ITGAX: variants seen among roughly 807,000 people sequenced by gnomAD.
ITGAX encodes the protein integrin alpha-X.
A neutral mutation model predicts 140.2 loss-of-function variants in ITGAX; 99 were observed. The observed-to-expected ratio is 0.71, with a 90% CI of 0.60 to 0.83. The LOEUF is 0.83. Among genes scored for constraint, ITGAX ranks in the 40% least tolerant of loss-of-function variants. The pLI is 0.00. For missense variants in ITGAX, 1,444 were observed against 1,482.0 expected, an observed-to-expected ratio of 0.97 and a Z score of 0.42; for synonymous variants, 631 against 600.4, an observed-to-expected ratio of 1.05 and a Z score of -0.75.
chr16:31,376,488 T>A (rs1218144720), intron 20 of ITGAX, among the ~76,000 whole-genome samples: 1 of 151,928 alleles, frequency 6.6e-6, no homozygotes, highest in South Asian at 2.1e-4. Context: ...CCAGGCATGG[T>A]GGTGGTGTGT....
At chr16:31,378,484 A>T (rs1230416423) in intron 23 of ITGAX, among the ~76,000 whole-genome samples, 4 of 148,394 alleles carry the variant, frequency 2.7e-5, no homozygotes, top group Admixed American at 1.3e-4. Flanking sequence ...TTTTTTTTTT[A>T]AAGCCCAGGT....
At chr16:31,356,312 T>G in intron 2 of ITGAX, 1 of 422,790 alleles carries the variant, frequency 2.4e-6, no homozygotes, top group Non-Finnish European at 4.3e-6. Context: ...TAAAAATATA[T>G]AGAGACAGGG....
intron 14 of ITGAX, among the ~76,000 whole-genome samples, chr16:31,368,868 A>AATCCATTT (rs2080920903): frequency 2.0e-5 from 3 of 151,828 alleles, no homozygotes; most frequent in African/African-American, 7.3e-5. Context: ...CACCGCCCTT[A>AATCCATTT]ATCCATTTAA....
chr16:31,372,274 GC>G, intron 17 of ITGAX, 103 bp from the exon 18 acceptor site: 1 of 1,395,628 alleles, frequency 7.2e-7, no homozygotes, highest in Non-Finnish European at 9.7e-7. Context: ...GGAAGCTGAA[GC>G]CGCGCGGGAG....
Position 31,382,802 on chromosome 16 carries a change from A to G in ITGAX, c.*895A>G, listed in dbSNP as rs2081081785. On this transcript the variant is annotated 3_prime_UTR_variant, in exon 30 of 30. Transcript: ENST00000268296. ...GTGCGGCTGCAGCTCACCCAGCCCC[A>G]GGGGCAGAAGAGACCCAACCACTTC... 7.1e-6 allele frequency: 3 copies of G among 421,350 alleles called. No homozygotes were observed. Among genetic ancestry groups the G allele is most frequent in the Non-Finnish European group, 1.3e-5 (3 of 233,234 alleles). 26.1% of individuals were successfully genotyped at this position (421,350 alleles called of 1,614,324 possible).
At position 31,357,355 on chromosome 16, in the gene ITGAX, T is replaced by A; in HGVS notation, c.421T>A (p.Ser141Thr). The A allele has an allele frequency of 6.2e-7, 1 of 1,600,520 alleles. No homozygotes were observed. The highest frequency in any genetic ancestry group is 1.1e-5 in the South Asian group (1 of 88,752). Residue 141 changes from serine (S) to threonine (T), a missense_variant, in exon 5 of 30, where the codon TCC becomes ACC. Coordinates refer to ENST00000268296, the MANE Select transcript of ITGAX (RefSeq NM_000887.5). ...CCAGCTCACCCAGAGGCTCCCGGTG[T>A]CCAGGCAGGGTGAGTGTCGGGACCA... Reference protein sequence around the residue: ...PTQLTQRLPVSRQECPRQEQD... With the variant: ...PTQLTQRLPVTRQECPRQEQD...
chr16:31,376,374 G>T (rs2081019149), intron 20 of ITGAX, among the ~76,000 whole-genome samples: 1 of 152,158 alleles, frequency 6.6e-6, no homozygotes, highest in South Asian at 2.1e-4. Context: ...TAATCCTAGT[G>T]TTTTGGGGGG....
At chr16:31,381,163 GC>G (rs2081066108) in intron 29 of ITGAX, among the ~76,000 whole-genome samples, 156 bp downstream of exon 29, 1 of 152,122 alleles carries the variant, frequency 6.6e-6, no homozygotes, top group Non-Finnish European at 1.5e-5. Context: ...GTCCCCAGTG[GC>G]CCCCTGCTTT....
At position 31,372,232 on chromosome 16, in the gene ITGAX, C is replaced by T. The variant is rs1597077938; in HGVS notation, c.2161-146C>T. The T allele has an allele frequency of 4.0e-5, 35 of 884,252 alleles. No homozygotes were observed. The South Asian group carries it at 6.2e-4, about 16-fold the overall frequency. The allele number at this position is 884,252 out of a possible 1,614,324, so 54.8% of individuals were successfully genotyped here. A position where few individuals can be genotyped will look rare whatever the true frequency, so the allele number is the denominator to read the frequency against. On this transcript the variant is annotated intron_variant, in intron 17 of 29. Coordinates refer to ENST00000268296, the MANE Select transcript of ITGAX (RefSeq NM_000887.5). ...AACAGAGAGGGTGTCAGGGAGGCCT[C>T]CTGAAGGCGGTGACGCTGAGCAGGC...
At chr16:31,368,383 A>G (rs2080913462) in intron 14 of ITGAX, among the ~76,000 whole-genome samples, 2 of 151,332 alleles carry the variant, frequency 1.3e-5, no homozygotes, top group Admixed American at 1.3e-4. Context: ...CTGTAATCCC[A>G]GCTACTCAGG....
chr16:31,373,753 T>C (rs186627538), intron 20 of ITGAX, among the ~76,000 whole-genome samples: 1 of 152,324 alleles, frequency 6.6e-6, no homozygotes, highest in African/African-American at 2.4e-5. Context: ...GCGACCTTTT[T>C]CTATAAAGGG....
rs991437406 is a variant in ITGAX, at chr16:31,368,897, C to T, written c.1711-2187C>T. On this transcript the variant is annotated intron_variant, in intron 14 of 29. Coordinates refer to ENST00000268296, the MANE Select transcript of ITGAX (RefSeq NM_000887.5). Reference sequence around the variant, plus strand: ...CATTTAACCCTGAGTGGACACAGCACATGTTTCAGAGAGCACAGGGTTGGG... The same window carrying T: ...CATTTAACCCTGAGTGGACACAGCATATGTTTCAGAGAGCACAGGGTTGGG... 2.5e-3 allele frequency among the ~76,000 whole-genome samples: 385 copies of T among 152,154 alleles called. 1 individual carries two copies. The highest frequency in any genetic ancestry group is 8.6e-3 in the African/African-American group (355 of 41,514).
Position 31,360,244 on chromosome 16 carries a change from C to T in ITGAX, c.708-66C>T. 5 of 1,535,906 alleles carry T rather than the reference C, an allele frequency of 3.3e-6. No individual in the cohort carries two copies. In the South Asian group the frequency reaches 6.3e-5, roughly 19 times the overall value. On this transcript the variant is annotated intron_variant, in intron 7 of 29. Coordinates refer to ENST00000268296, the MANE Select transcript of ITGAX (RefSeq NM_000887.5). ...AAAGGAAAAGGCATCTTCTAATTTT[C>T]ACAAGGGCACCAGGGGCTAGTGTGG...
At chr16:31,364,818 G>A (rs1466623885) in intron 14 of ITGAX, among the ~76,000 whole-genome samples, 1 of 149,278 alleles carries the variant, frequency 6.7e-6, no homozygotes, top group African/African-American at 2.5e-5. Context: ...GACTAGCCTG[G>A]CCAACACAGT....
At chr16:31,374,047 G>A (rs1055781411) in intron 20 of ITGAX, among the ~76,000 whole-genome samples, 2 of 152,182 alleles carry the variant, frequency 1.3e-5, no homozygotes, top group East Asian at 1.9e-4. Context: ...CCAGGACTTC[G>A]GGAGGTTGAG....
chr16:31,361,678 G>C, intron 9 of ITGAX, 158 bp from the exon 10 acceptor site: 2 of 861,506 alleles, frequency 2.3e-6, no homozygotes, highest in South Asian at 3.0e-5. Context: ...GGGGGGCCCC[G>C]AAGTCGGAGC....
intron 17 of ITGAX, among the ~76,000 whole-genome samples, chr16:31,372,169 G>GGC (rs996952070): frequency 6.6e-6 from 1 of 150,704 alleles, no homozygotes; most frequent in Non-Finnish European, 1.5e-5. Flanking sequence ...GAGGTCTGGG[G>GGC]GGGGGGAGGA....
chr16:31,360,129 G>A, intron 7 of ITGAX, 64 bp downstream of exon 7: 1 of 1,589,678 alleles, frequency 6.3e-7, no homozygotes, highest in Non-Finnish European at 8.6e-7. Context: ...GGCCTCATCT[G>A]TCTCCACGAG....
chr16:31,376,219 C>T (rs901187442), intron 20 of ITGAX, among the ~76,000 whole-genome samples: 6 of 152,082 alleles, frequency 3.9e-5, no homozygotes, highest in Non-Finnish European at 5.9e-5. Context: ...TTAAATTTTC[C>T]ATTATAAGAG....
Sources: gnomAD v4.1 joint callset for allele counts (sites outside exome capture counted in the v4.1 genomes callset) on GRCh38, gnomAD v4.1.1 for gene constraint, MANE v1.5 for transcripts, NCBI Gene and HGNC (gene_info 2026-07-23, HGNC 2026-07-21) for gene names.